Variants in ITGBL1 observed in about 807,000 individuals in gnomAD.
The protein encoded by ITGBL1 is integrin subunit beta like 1.
Under a neutral mutation model 68.5 loss-of-function variants are expected in ITGBL1, and 51 were observed. The observed-to-expected ratio is 0.74, with a 90% CI of 0.59 to 0.94. The LOEUF is 0.94. Ranked by LOEUF, ITGBL1 falls within the 40% of genes least tolerant of loss-of-function variation. The pLI, the probability that ITGBL1 is intolerant of heterozygous loss-of-function variation, is 0.00. For synonymous variants in ITGBL1, 209 were observed against 227.3 expected (o/e 0.92, Z 0.72); for missense variants, 649 against 647.4 (o/e 1.00, Z -0.03).
chr13:101,454,082 G>T lies in ITGBL1; in HGVS notation c.298G>T (p.Asp100Tyr), dbSNP rs745836703. ...ECHEWVCETY[D>Y]GSTCAGHGKC... ...CCATGAGTGGGTGTGCGAGACCTACGACGGGAGCACCTGTGCAGGTAAGAG... is the reference window on the plus strand; with the variant it reads ...CCATGAGTGGGTGTGCGAGACCTACTACGGGAGCACCTGTGCAGGTAAGAG... The change falls in exon 2 of 11, where the codon GAC becomes TAC. Residue 100 changes from aspartate to tyrosine, a missense_variant. Transcript: ENST00000376180. 3 of 1,580,170 alleles carry T rather than the reference G, an allele frequency of 1.9e-6. No homozygotes were observed. Among genetic ancestry groups the T allele is most frequent in the African/African-American group, 1.4e-5 (1 of 73,978 alleles).
At chr13:101,670,427 A>G (rs1402260848) in intron 7 of ITGBL1, among the ~76,000 whole-genome samples, 1 of 152,192 alleles carries the variant, frequency 6.6e-6, no homozygotes, top group African/African-American at 2.4e-5. Flanking sequence ...TTTGTGTTTT[A>G]TCAAGATAAT....
Position 101,454,084 on chromosome 13 carries a change from C to T in ITGBL1, c.300C>T (p.Asp100=), listed in dbSNP as rs537507303. ...ECHEWVCETY[D]GSTCAGHGKC... is the part of the protein sequence containing the mutation. ...ATGAGTGGGTGTGCGAGACCTACGA[C>T]GGGAGCACCTGTGCAGGTAAGAGGG... Residue 100 remains aspartate, a synonymous_variant, in exon 2 of 11, where the codon GAC becomes GAT. Transcript: ENST00000376180. 1.7e-5 allele frequency: 27 copies of T among 1,576,822 alleles called. No homozygotes were observed. The African/African-American group carries it at 2.3e-4, about 13-fold the overall frequency.
At chr13:101,630,290 GAAAAT>G (rs1239983228) in intron 7 of ITGBL1, among the ~76,000 whole-genome samples, 2 of 151,722 alleles carry the variant, frequency 1.3e-5, no homozygotes, top group African/African-American at 2.4e-5. Context: ...TATTTATTTT[GAAAAT>G]AAAATAAATG....
At chr13:101,711,751 C>T (rs974349171) in intron 9 of ITGBL1, 1 of 152,198 alleles carries the variant, frequency 6.6e-6, no homozygotes, top group Admixed American at 6.5e-5. Context: ...GAAAATGTGG[C>T]TGATTCCCCA....
At chr13:101,537,265 C>G (rs1169403067) in intron 2 of ITGBL1, among the ~76,000 whole-genome samples, 1 of 151,980 alleles carries the variant, frequency 6.6e-6, no homozygotes, top group Non-Finnish European at 1.5e-5. Flanking sequence ...GCTCTCCAGG[C>G]TATTCCATCT....
chr13:101,502,904 A>G (rs1262806831), intron 2 of ITGBL1, among the ~76,000 whole-genome samples: 1 of 152,116 alleles, frequency 6.6e-6, no homozygotes, highest in Non-Finnish European at 1.5e-5. Flanking sequence ...GATGTATTGG[A>G]TTGTTCCTTA....
intron 7 of ITGBL1, among the ~76,000 whole-genome samples, chr13:101,606,106 CTCTCTCTA>C (rs1566754826): frequency 3.0e-5 from 4 of 131,396 alleles, no homozygotes; most frequent in African/African-American, 1.1e-4. Flanking sequence ...TATGCTCTCT[CTCTCTCTA>C]TATATATATA....
chr13:101,483,403 A>T (rs997172480), intron 2 of ITGBL1, among the ~76,000 whole-genome samples: 26 of 152,244 alleles, frequency 1.7e-4, no homozygotes, highest in African/African-American at 5.3e-4. Context: ...ACAATGTGTC[A>T]CAAACAGCAA....
At chr13:101,503,549 G>A (rs1366284003) in intron 2 of ITGBL1, among the ~76,000 whole-genome samples, 3 of 152,144 alleles carry the variant, frequency 2.0e-5, no homozygotes, top group African/African-American at 4.8e-5. Context: ...TTTGTTCATG[G>A]TTATTAGAGA....
chr13:101,498,880 G>A (rs563938758), intron 2 of ITGBL1, among the ~76,000 whole-genome samples: 132 of 152,198 alleles, frequency 8.7e-4, no homozygotes, highest in Non-Finnish European at 1.6e-3. Flanking sequence ...GGGAGGCCTC[G>A]CAGTCATGGT....
chr13:101,467,964 T>G (rs2048406339), intron 2 of ITGBL1, among the ~76,000 whole-genome samples: 1 of 152,154 alleles, frequency 6.6e-6, no homozygotes, highest in Non-Finnish European at 1.5e-5. Context: ...AATTCATGAC[T>G]TAGTCAATGG....
chr13:101,569,063 C>T (rs1162673476), intron 3 of ITGBL1, among the ~76,000 whole-genome samples: 1 of 132,094 alleles, frequency 7.6e-6, no homozygotes, highest in African/African-American at 2.9e-5. Flanking sequence ...CACACACACA[C>T]ACACACACTT....
At chr13:101,509,863 C>A (rs1321666221) in intron 2 of ITGBL1, among the ~76,000 whole-genome samples, 1 of 151,848 alleles carries the variant, frequency 6.6e-6, no homozygotes, top group Non-Finnish European at 1.5e-5. Context: ...AATTCAAATC[C>A]CCAATGTTTT....
chr13:101,524,944 CA>C (rs2049349293), intron 2 of ITGBL1, among the ~76,000 whole-genome samples: 1 of 152,076 alleles, frequency 6.6e-6, no homozygotes. Context: ...ACAACCTTGG[CA>C]CATGGTTGGC....
intron 7 of ITGBL1, among the ~76,000 whole-genome samples, chr13:101,644,832 A>C (rs1234812181): frequency 6.6e-6 from 1 of 152,194 alleles, no homozygotes; most frequent in Non-Finnish European, 1.5e-5. Flanking sequence ...CCTAATGAAA[A>C]TATTAGAATG....
chr13:101,501,445 T>A (rs1327858680), intron 2 of ITGBL1, among the ~76,000 whole-genome samples: 4 of 152,166 alleles, frequency 2.6e-5, no homozygotes, highest in Admixed American at 2.6e-4. Context: ...CCCTGTGAAT[T>A]CAATTTCCAG....
chr13:101,513,058 ATT>A (rs2049140963), intron 2 of ITGBL1, among the ~76,000 whole-genome samples: 1 of 152,058 alleles, frequency 6.6e-6, no homozygotes, highest in South Asian at 2.1e-4. Context: ...GGGTCCACCT[ATT>A]TAGGCATTAT....
At chr13:101,603,967 GT>G (rs1430335730) in intron 7 of ITGBL1, among the ~76,000 whole-genome samples, 1 of 151,884 alleles carries the variant, frequency 6.6e-6, no homozygotes, top group East Asian at 1.9e-4. Context: ...ACTCCAAATG[GT>G]TATGTTGCTA....
At chr13:101,470,540 T>C (rs1488350772) in intron 2 of ITGBL1, among the ~76,000 whole-genome samples, 1 of 152,220 alleles carries the variant, frequency 6.6e-6, no homozygotes, top group East Asian at 1.9e-4. Context: ...ATAATGATAT[T>C]TGTGTGCATC....
Sources: gnomAD v4.1 joint callset for allele counts (sites outside exome capture counted in the v4.1 genomes callset) on GRCh38, gnomAD v4.1.1 for gene constraint, MANE v1.5 for transcripts, NCBI Gene and HGNC (gene_info 2026-07-23, HGNC 2026-07-21) for gene names.